The following C12orf54 variants were observed in gnomAD, a reference collection of about 807,000 sequenced individuals.
C12orf54 encodes chromosome 12 open reading frame 54.
C12orf54 carries 24 observed loss-of-function variants against 26.4 expected under a neutral mutation model. That is an observed-to-expected ratio of 0.91 (90% CI 0.66 to 1.28). C12orf54 has a LOEUF of 1.28. Among genes scored for constraint, C12orf54 ranks in the 50% most tolerant of loss-of-function variants. The pLI is 0.00. For synonymous variants in C12orf54, 54 were observed against 47.0 expected (o/e 1.15, Z -0.61); for missense variants, 154 against 150.9 (o/e 1.02, Z -0.11).
the C12orf54 span, among the ~76,000 whole-genome samples, chr12:48,472,150 C>T: frequency 6.6e-6 from 1 of 152,106 alleles, no homozygotes. Context: ...AGCTTGAATA[C>T]TATTGGTGTA....
Position 48,486,853 on chromosome 12 carries a change from G to A in C12orf54, c.135+127G>A, listed in dbSNP as rs113786359. 1,870 of 893,196 alleles carry A rather than the reference G, an allele frequency of 2.1e-3. 22 individuals carry two copies. In the African/African-American group the frequency reaches 0.028, roughly 13 times the overall value. 55.3% of individuals were successfully genotyped at this position (893,196 alleles called of 1,614,324 possible). A position where few individuals can be genotyped will look rare whatever the true frequency, so the allele number is the denominator to read the frequency against. The stretch of plus-strand genomic sequence containing the variant: ...TTGATTGACGGTGAAGGATCAACAC[G>A]CTCCCTCCCACCTTGTTCTGTTGCT... On this transcript the variant is annotated intron_variant, in intron 4 of 8. Transcript: ENST00000548364.
chr12:48,472,727 A>T, the C12orf54 span: 1 of 1,614,110 alleles, frequency 6.2e-7, no homozygotes, highest in African/African-American at 1.3e-5. Flanking sequence ...ATGTGAAAGA[A>T]CTTTTCCTGG....
At chr12:48,488,833 G>T in intron 4 of C12orf54, 91 bp from the exon 5 acceptor site, 1 of 1,082,748 alleles carries the variant, frequency 9.2e-7, no homozygotes, top group South Asian at 1.3e-5. Flanking sequence ...GTGGCTAGGA[G>T]ACTAGGTAAC....
At chr12:48,477,905 G>A (rs1336532359), upstream of C12orf54, among the ~76,000 whole-genome samples, 2 of 152,162 alleles carry the variant, frequency 1.3e-5, no homozygotes, top group Admixed American at 1.3e-4. Flanking sequence ...TATGAGGCCA[G>A]CATCATCCTG....
At chr12:48,427,493 G>A in the C12orf54 span, among the ~76,000 whole-genome samples, 5 of 152,126 alleles carry the variant, frequency 3.3e-5, no homozygotes, top group Non-Finnish European at 7.4e-5. Context: ...ATTTTGTCAA[G>A]GGTTTTTGCA....
At chr12:48,417,997 A>G in the C12orf54 span, among the ~76,000 whole-genome samples, 2 of 152,176 alleles carry the variant, frequency 1.3e-5, no homozygotes, top group African/African-American at 4.8e-5. Flanking sequence ...ATGGGCACCT[A>G]GGTTGATTCC....
the C12orf54 span, among the ~76,000 whole-genome samples, chr12:48,433,266 G>C: frequency 3.3e-5 from 5 of 152,142 alleles, no homozygotes; most frequent in Admixed American, 6.5e-5. Flanking sequence ...TGCGTTCATG[G>C]ACCAGAACTA....
the C12orf54 span, among the ~76,000 whole-genome samples, chr12:48,414,770 G>A: frequency 6.6e-6 from 1 of 152,164 alleles, no homozygotes; most frequent in Admixed American, 6.5e-5. Context: ...TGCCACTTTT[G>A]TGGTCTAGGG....
At chr12:48,476,925 C>T in the C12orf54 span, among the ~76,000 whole-genome samples, 19,283 of 152,222 alleles carry the variant, frequency 0.13, 1,613 homozygotes, top group Non-Finnish European at 0.2. Context: ...CTCTCCATCC[C>T]AAATCAACAG....
At chr12:48,435,348 G>T in the C12orf54 span, among the ~76,000 whole-genome samples, 5 of 152,146 alleles carry the variant, frequency 3.3e-5, no homozygotes, top group Admixed American at 2.6e-4. Flanking sequence ...CAGGATATTA[G>T]CCAGGAGAAC....
At chr12:48,488,243 G>T (rs1937698205) in intron 4 of C12orf54, 3 of 656,832 alleles carry the variant, frequency 4.6e-6, no homozygotes, top group African/African-American at 1.8e-5. Context: ...GCCATCCAGA[G>T]ACTGGCAGGC....
At chr12:48,475,627 A>C in the C12orf54 span, among the ~76,000 whole-genome samples, 2 of 152,256 alleles carry the variant, frequency 1.3e-5, no homozygotes, top group Non-Finnish European at 2.9e-5. Context: ...GATGCGATCA[A>C]CTGGAAGAAA....
At chr12:48,468,524 T>C in the C12orf54 span, among the ~76,000 whole-genome samples, 1 of 152,252 alleles carries the variant, frequency 6.6e-6, no homozygotes, top group African/African-American at 2.4e-5. Context: ...AGACACATTT[T>C]ATGTATAAAG....
chr12:48,487,952 A>C, intron 4 of C12orf54: 1 of 701,286 alleles, frequency 1.4e-6, no homozygotes, highest in South Asian at 1.6e-5. Flanking sequence ...TGAGATGTTG[A>C]TACCTAAGAA....
At chr12:48,464,057 G>C in the C12orf54 span, among the ~76,000 whole-genome samples, 1 of 151,996 alleles carries the variant, frequency 6.6e-6, no homozygotes, top group African/African-American at 2.4e-5. Flanking sequence ...ATTCAACGTA[G>C]TATTGGAAGT....
chr12:48,480,941 T>C (rs1286040432), upstream of C12orf54, among the ~76,000 whole-genome samples: 1 of 116,712 alleles, frequency 8.6e-6, no homozygotes, highest in African/African-American at 2.6e-5. Flanking sequence ...TGGAGGTCAT[T>C]ATCCCAGGCA....
chr12:48,429,627 C>G, the C12orf54 span, among the ~76,000 whole-genome samples: 1 of 151,514 alleles, frequency 6.6e-6, no homozygotes, highest in African/African-American at 2.4e-5. Flanking sequence ...AAGGCCTCTA[C>G]AAGGAAAACT....
chr12:48,484,658 T>C (rs72644868), intron 2 of C12orf54, among the ~76,000 whole-genome samples: 22,251 of 152,182 alleles, frequency 0.15, 2,844 homozygotes, highest in East Asian at 0.66. Context: ...GGGTTGAGGT[T>C]CAATAGCATA....
the C12orf54 span, among the ~76,000 whole-genome samples, chr12:48,418,237 G>T: frequency 6.6e-6 from 1 of 152,202 alleles, no homozygotes; most frequent in Non-Finnish European, 1.5e-5. Context: ...TACAGGGAAG[G>T]CAGGAATTGT....
Sources: gnomAD v4.1 joint callset for allele counts (sites outside exome capture counted in the v4.1 genomes callset) on GRCh38, gnomAD v4.1.1 for gene constraint, MANE v1.5 for transcripts, NCBI Gene and HGNC (gene_info 2026-07-23, HGNC 2026-07-21) for gene names.